CHN2: variants seen among roughly 807,000 people sequenced by gnomAD.
The protein encoded by CHN2 is beta-chimaerin.
CHN2 carries 35 observed loss-of-function variants against 56.3 expected under a neutral mutation model. The ratio of observed to expected loss-of-function variants is 0.62; its 90% CI spans 0.47 to 0.82. CHN2 has a LOEUF of 0.82. CHN2 is among the 40% of genes least tolerant of loss of function. The pLI is 0.00. For synonymous variants in CHN2, 210 were observed against 212.8 expected, an observed-to-expected ratio of 0.99 and a Z score of 0.12; for missense variants, 491 against 580.5, an observed-to-expected ratio of 0.85 and a Z score of 1.58.
intron 1 of CHN2, among the ~76,000 whole-genome samples, chr7:29,257,212 C>G (rs536196677): frequency 6.6e-6 from 1 of 152,332 alleles, no homozygotes; most frequent in South Asian, 2.1e-4. Flanking sequence ...CTCACTGAGG[C>G]CATTTGCCAG....
At chr7:29,161,152 A>T (rs910039971) in intron 2 of CHN2, among the ~76,000 whole-genome samples, 1 of 152,152 alleles carries the variant, frequency 6.6e-6, no homozygotes, top group Admixed American at 6.6e-5. Flanking sequence ...GAAGGTGCTC[A>T]AGGTTAGGGG....
In CHN2 at chr7:29,372,099, G is replaced by A. The variant is rs192252266; in HGVS notation, c.144+4112G>A. ...TACTCTTAGTAACAAATTTCTTGCC[G>A]TGCCTATGAGCCATAGTTTGCCTCC... is the stretch of plus-strand genomic sequence containing the variant. On this transcript the variant is annotated intron_variant, in intron 3 of 12. Transcript: ENST00000222792. Among the ~76,000 whole-genome samples, 198 of 151,870 alleles carry A rather than the reference G, an allele frequency of 1.3e-3. 2 individuals carry two copies. In the Middle Eastern group the frequency reaches 0.014, roughly 10 times the overall value.
At chr7:29,374,622 C>T (rs146258466) in intron 3 of CHN2, among the ~76,000 whole-genome samples, 292 of 152,038 alleles carry the variant, frequency 1.9e-3, no homozygotes, top group Admixed American at 3.5e-3. Context: ...GAGTTCAGAG[C>T]CAAGGGGAGC....
chr7:29,178,536 G>A (rs560319657), intron 2 of CHN2, among the ~76,000 whole-genome samples: 50 of 152,156 alleles, frequency 3.3e-4, no homozygotes, highest in Middle Eastern at 3.4e-3. Flanking sequence ...CACATCCTCC[G>A]AGAGACGTTG....
intron 6 of CHN2, among the ~76,000 whole-genome samples, chr7:29,415,327 AT>A (rs1458345800): frequency 1.3e-5 from 2 of 152,228 alleles, no homozygotes; most frequent in African/African-American, 4.8e-5. Flanking sequence ...AAGAAAGCTG[AT>A]GCTAGAGATG....
intron 1 of CHN2, among the ~76,000 whole-genome samples, chr7:29,211,175 A>C (rs1224190289): frequency 6.6e-6 from 1 of 151,288 alleles, no homozygotes; most frequent in Non-Finnish European, 1.5e-5. Flanking sequence ...GGTTCACGCC[A>C]TTCTCCTGCC....
At chr7:29,194,128 C>T (rs1362196127), upstream of CHN2, 1 of 152,774 alleles carries the variant, frequency 6.5e-6, no homozygotes, top group Admixed American at 6.5e-5. Flanking sequence ...CTGGATCCCC[C>T]ACCCCCACTG....
chr7:29,437,207 A>T (rs1425757321), intron 6 of CHN2, among the ~76,000 whole-genome samples: 1 of 152,242 alleles, frequency 6.6e-6, no homozygotes, highest in Non-Finnish European at 1.5e-5. Flanking sequence ...CACAAATTAG[A>T]CAATAAAGAT....
intron 6 of CHN2, 108 bp downstream of exon 6, chr7:29,400,936 A>T: frequency 9.3e-7 from 1 of 1,074,500 alleles, no homozygotes; most frequent in Non-Finnish European, 1.3e-6. Context: ...ACCCACCCCC[A>T]CCCGAAGAAC....
intron 2 of CHN2, among the ~76,000 whole-genome samples, chr7:29,167,575 C>A (rs1226610708): frequency 6.6e-6 from 1 of 152,140 alleles, no homozygotes; most frequent in Non-Finnish European, 1.5e-5. Flanking sequence ...TTCAACTTTG[C>A]TAAATAACAC....
At chr7:29,255,073 G>A (rs1036448562) in intron 1 of CHN2, among the ~76,000 whole-genome samples, 2 of 152,204 alleles carry the variant, frequency 1.3e-5, no homozygotes, top group Non-Finnish European at 2.9e-5. Context: ...ATTTACACCA[G>A]GAGCCTGCCA....
chr7:29,179,109 C>T (rs572062094), intron 2 of CHN2, among the ~76,000 whole-genome samples: 1 of 152,208 alleles, frequency 6.6e-6, no homozygotes, highest in African/African-American at 2.4e-5. Context: ...GACACACTTA[C>T]AGTCCTCATG....
intron 1 of CHN2, among the ~76,000 whole-genome samples, chr7:29,252,206 T>A (rs866779043): frequency 2.0e-5 from 3 of 150,394 alleles, no homozygotes; most frequent in African/African-American, 7.4e-5. Flanking sequence ...TTTTTTTTTT[T>A]TTTAGACAGT....
At chr7:29,205,975 C>G (rs560899876) in intron 1 of CHN2, among the ~76,000 whole-genome samples, 1 of 152,290 alleles carries the variant, frequency 6.6e-6, no homozygotes, top group Admixed American at 6.5e-5. Context: ...CCTTCCCCAT[C>G]ATATTTCATT....
chr7:29,147,900 T>C (rs1284028286), intron 2 of CHN2, among the ~76,000 whole-genome samples: 2 of 152,178 alleles, frequency 1.3e-5, no homozygotes, highest in Admixed American at 6.5e-5. Context: ...AAAGGCCAGA[T>C]TGAAACTTTG....
intron 2 of CHN2, among the ~76,000 whole-genome samples, chr7:29,162,616 G>A (rs553215242): frequency 2.5e-4 from 37 of 149,628 alleles, no homozygotes; most frequent in African/African-American, 4.7e-4. Flanking sequence ...AGCCGAGATC[G>A]TGCCATTGCA....
At chr7:29,433,608 G>A (rs768234647) in intron 6 of CHN2, among the ~76,000 whole-genome samples, 4 of 152,208 alleles carry the variant, frequency 2.6e-5, no homozygotes, top group African/African-American at 7.2e-5. Context: ...AGGCCAAGGC[G>A]GGTGGATCAC....
chr7:29,189,199 ACCT>A (rs944293132), intron 2 of CHN2, among the ~76,000 whole-genome samples: 2 of 151,802 alleles, frequency 1.3e-5, no homozygotes, highest in Non-Finnish European at 2.9e-5. Flanking sequence ...GATCTGCCCA[ACCT>A]CAGCCTCCCA....
intron 2 of CHN2, among the ~76,000 whole-genome samples, chr7:29,161,778 T>C (rs1415372900): frequency 1.3e-5 from 2 of 152,170 alleles, no homozygotes; most frequent in Non-Finnish European, 2.9e-5. Flanking sequence ...TTGCAAATCA[T>C]ATGTAAAAGA....
Sources: allele counts gnomAD v4.1 joint callset (sites outside exome capture counted in the v4.1 genomes callset), GRCh38; gene constraint gnomAD v4.1.1; transcripts MANE v1.5; gene names NCBI Gene and HGNC (gene_info 2026-07-23, HGNC 2026-07-21).